BMPR1A: variants seen among roughly 807,000 people sequenced by gnomAD.
The protein encoded by BMPR1A is bone morphogenetic protein receptor type 1A, also known as bone morphogenetic protein receptor type-1A.
In BMPR1A, 7 loss-of-function variants were observed where a neutral mutation model predicts 66.0. The observed-to-expected ratio is 0.11, with a 90% CI of 0.06 to 0.20. BMPR1A has a LOEUF of 0.20. BMPR1A is among the 10% of genes least tolerant of loss of function. BMPR1A has a pLI of 1.00. For synonymous variants in BMPR1A, 200 were observed against 229.7 expected (o/e 0.87, Z 1.17); for missense variants, 408 against 669.1 (o/e 0.61, Z 4.31).
chr10:86,901,598 C>T (rs554906321), intron 7 of BMPR1A, among the ~76,000 whole-genome samples: 4 of 152,282 alleles, frequency 2.6e-5, no homozygotes, highest in African/African-American at 9.6e-5. Context: ...ACAGTGTTTA[C>T]TGTTATTTTA....
At chr10:86,861,974 C>G (rs990864103) in intron 2 of BMPR1A, among the ~76,000 whole-genome samples, 3 of 152,188 alleles carry the variant, frequency 2.0e-5, no homozygotes, top group African/African-American at 7.2e-5. Context: ...TTAATTTCTT[C>G]TGCTCCATTC....
chr10:86,923,692 G>T lies in BMPR1A; in HGVS notation c.1572G>T (p.Met524Ile), dbSNP rs1064793404. Residue 524 changes from methionine (M) to isoleucine (I), a missense_variant, in exon 13 of 13, where the codon ATG becomes ATT. Around this residue, in one of 5 missense-constraint regions of BMPR1A, gnomAD observed 130 missense variants for 257.3 expected, o/e 0.51. Coordinates refer to ENST00000372037, the MANE Select transcript of BMPR1A (RefSeq NM_004329.3). ...GAATTAAGAAGACGCTTGCCAAGAT[G>T]GTTGAATCCCAAGATGTAAAAATCT... ...ALRIKKTLAK[M>I]VESQDVKI 6.2e-7 allele frequency: 1 copy of T among 1,613,992 alleles called. No individual in the cohort carries two copies. Among genetic ancestry groups the T allele is most frequent in the African/African-American group, 1.3e-5 (1 of 75,034 alleles).
chr10:86,901,253 G>A lies in BMPR1A; in HGVS notation c.530+1127G>A, dbSNP rs561096519. ...AGTCTCAGCTGACATCTGACCCTGA[G>A]CTACCCAATCAAGTCACTCCTGAAT... On this transcript the variant is annotated intron_variant, in intron 7 of 12. Coordinates refer to ENST00000372037, the MANE Select transcript of BMPR1A (RefSeq NM_004329.3). 1.0e-3 allele frequency among the ~76,000 whole-genome samples: 156 copies of A among 152,336 alleles called. 1 individual carries two copies. Among genetic ancestry groups the A allele is most frequent in the African/African-American group, 3.6e-3 (148 of 41,558 alleles).
chr10:86,811,955 C>A (rs1214080645), intron 1 of BMPR1A, among the ~76,000 whole-genome samples: 1 of 151,824 alleles, frequency 6.6e-6, no homozygotes, highest in Non-Finnish European at 1.5e-5. Flanking sequence ...GTGGTGTCAA[C>A]CTGTAGTCCT....
At chr10:86,785,229 A>G (rs2132732073) in intron 1 of BMPR1A, among the ~76,000 whole-genome samples, 1 of 152,352 alleles carries the variant, frequency 6.6e-6, no homozygotes, top group South Asian at 2.1e-4. Context: ...GTGGCCTAAC[A>G]TGTGATCTGT....
At chr10:86,889,771 A>G (rs753279277) in intron 3 of BMPR1A, 1 of 318,354 alleles carries the variant, frequency 3.1e-6, no homozygotes. Context: ...TTAAAAATAT[A>G]AAAAACAAGA....
chr10:86,865,510 T>C (rs1054425344), intron 2 of BMPR1A, among the ~76,000 whole-genome samples: 3 of 152,206 alleles, frequency 2.0e-5, no homozygotes, highest in African/African-American at 7.2e-5. Flanking sequence ...GACTCTCTTT[T>C]AGGACTCAGC....
intron 2 of BMPR1A, among the ~76,000 whole-genome samples, chr10:86,864,912 G>A (rs1038615561): frequency 1.5e-4 from 23 of 152,000 alleles, no homozygotes; most frequent in South Asian, 2.1e-4. Context: ...AGGTTCCCAC[G>A]CCGCCCCTAA....
chr10:86,894,363 C>T (rs1045499705), intron 5 of BMPR1A, among the ~76,000 whole-genome samples: 2 of 152,190 alleles, frequency 1.3e-5, no homozygotes, highest in African/African-American at 4.8e-5. Context: ...ACATACTTGT[C>T]TTTATGAATT....
At chr10:86,759,546 T>C (rs1464964432) in intron 1 of BMPR1A, among the ~76,000 whole-genome samples, 1 of 152,248 alleles carries the variant, frequency 6.6e-6, no homozygotes. Context: ...AACCCAAACC[T>C]TTTCCCATTT....
chr10:86,870,074 C>T (rs1429764800), intron 2 of BMPR1A, among the ~76,000 whole-genome samples: 1 of 152,138 alleles, frequency 6.6e-6, no homozygotes, highest in Non-Finnish European at 1.5e-5. Context: ...GTGGTGTTAA[C>T]GCCTTTATTA....
intron 3 of BMPR1A, among the ~76,000 whole-genome samples, chr10:86,884,394 A>ATTTTTTTTTTTTTTTTTTTTTTTTTT: frequency 2.0e-5 from 1 of 49,330 alleles, no homozygotes; most frequent in Non-Finnish European, 4.5e-5. Context: ...CAAACACATG[A>ATTTTTTTTTTTTTTTTTTTTTTTTTT]TTTTTTTTTT....
In BMPR1A at chr10:86,895,398, C is replaced by T. The variant is rs142110024; in HGVS notation, c.333+3169C>T. Among the ~76,000 whole-genome samples, 24 of 152,030 alleles carry T rather than the reference C, an allele frequency of 1.6e-4. No homozygotes were observed. The East Asian group carries it at 4.7e-3, about 30-fold the overall frequency. ...ACTGATAATACAAAACTTAGTCAGG[C>T]GTGGTGGTGCGTGCCTTTAATCCCA... On this transcript the variant is annotated intron_variant, in intron 5 of 12. Coordinates refer to ENST00000372037, the MANE Select transcript of BMPR1A (RefSeq NM_004329.3).
intron 5 of BMPR1A, among the ~76,000 whole-genome samples, chr10:86,899,039 G>C (rs1433104977): frequency 1.3e-5 from 2 of 152,142 alleles, no homozygotes; most frequent in Non-Finnish European, 2.9e-5. Flanking sequence ...TTATACTGAG[G>C]CTTTTCCTTA....
At chr10:86,800,350 A>C (rs549291875) in intron 1 of BMPR1A, among the ~76,000 whole-genome samples, 4 of 152,174 alleles carry the variant, frequency 2.6e-5, no homozygotes, top group African/African-American at 9.6e-5. Context: ...TGATAGTCTC[A>C]TGTTCCTATC....
At chr10:86,799,473 C>T (rs201323796) in intron 1 of BMPR1A, among the ~76,000 whole-genome samples, 2 of 95,140 alleles carry the variant, frequency 2.1e-5, no homozygotes, top group East Asian at 5.2e-4. Context: ...TTCCTTTCTT[C>T]CTTCCTTCCT....
Position 86,791,960 on chromosome 10 carries a change from C to T in BMPR1A, c.-268+35041C>T, listed in dbSNP as rs372307083. Among the ~76,000 whole-genome samples the T allele has an allele frequency of 8.7e-5, 13 of 149,014 alleles. No homozygotes were observed. In the East Asian group the frequency reaches 1.4e-3, roughly 16 times the overall value. Reference sequence around the variant, plus strand: ...TCTCAAACTCCTGACCTCAAGTGATCGCCTGCTTTGGCCTCCCGGAAGTGC... The same window carrying T: ...TCTCAAACTCCTGACCTCAAGTGATTGCCTGCTTTGGCCTCCCGGAAGTGC... On this transcript the variant is annotated intron_variant, in intron 1 of 12. Transcript: ENST00000372037.
chr10:86,931,314 T>TATATATATATATATATATA (rs71019438), downstream of BMPR1A: 4 of 107,468 alleles, frequency 3.7e-5, no homozygotes, highest in African/African-American at 1.5e-4. Flanking sequence ...TATATATATA[T>TATATATATATATATATATA]TCAAGCAATG....
At chr10:86,854,851 C>G in intron 2 of BMPR1A, 1 of 242,846 alleles carries the variant, frequency 4.1e-6, no homozygotes, top group East Asian at 9.9e-5. Context: ...AAGACTCTTC[C>G]AAGCTGTTGA....
Sources: allele counts gnomAD v4.1 joint callset (sites outside exome capture counted in the v4.1 genomes callset), GRCh38; gene constraint gnomAD v4.1.1; regional missense constraint gnomAD v4.1.1; transcripts MANE v1.5; gene names NCBI Gene and HGNC (gene_info 2026-07-23, HGNC 2026-07-21).